Variants in DIP2C observed in about 807,000 individuals in gnomAD.
DIP2C encodes disco-interacting protein 2 homolog C.
In DIP2C, 33 loss-of-function variants were observed where a neutral mutation model predicts 192.4. The observed-to-expected ratio is 0.17, with a 90% CI of 0.13 to 0.23. The LOEUF (loss-of-function observed/expected upper bound fraction) is 0.23. DIP2C is among the 10% of genes least tolerant of loss of function. DIP2C has a pLI of 1.00. For missense variants in DIP2C, 1,537 were observed against 2,110.1 expected (o/e 0.73, Z 5.32); for synonymous variants, 979 against 864.1 (o/e 1.13, Z -2.33).
At chr10:502,413 T>C (rs1185621615) in intron 1 of DIP2C, among the ~76,000 whole-genome samples, 1 of 152,194 alleles carries the variant, frequency 6.6e-6, no homozygotes, top group Non-Finnish European at 1.5e-5. Flanking sequence ...AAAATAATGA[T>C]GGGAAGTAAG....
chr10:533,187 G>T (rs995319502), intron 1 of DIP2C, among the ~76,000 whole-genome samples: 1 of 152,130 alleles, frequency 6.6e-6, no homozygotes, highest in South Asian at 2.1e-4. Context: ...CGAAGCCTAA[G>T]GTCAAATGCA....
Position 417,817 on chromosome 10 carries a change from AGGGCGCG to A in DIP2C, c.739+1241_739+1247del, listed in dbSNP as rs1564685601. On this transcript the variant is annotated intron_variant, in intron 6 of 36. Coordinates refer to ENST00000280886, the MANE Select transcript of DIP2C (RefSeq NM_014974.3). Reference sequence around the variant, plus strand: ...GCCTCCCTGTCCACCTGTTCCTGTCAGGGCGCGGACAGGCCTCCCTGTCCACCTGCAC... The same window carrying A: ...GCCTCCCTGTCCACCTGTTCCTGTCAGACAGGCCTCCCTGTCCACCTGCAC... Among the ~76,000 whole-genome samples, 22 of 82,590 alleles carry A rather than the reference AGGGCGCG, an allele frequency of 2.7e-4. 2 individuals carry two copies. The highest frequency in any genetic ancestry group is 1.4e-4 in the African/African-American group (2 of 14,518). 54.2% of individuals were successfully genotyped at this position (82,590 alleles called of 152,430 possible).
chr10:617,891 C>G (rs1853583075), intron 1 of DIP2C, among the ~76,000 whole-genome samples: 2 of 151,706 alleles, frequency 1.3e-5, no homozygotes, highest in South Asian at 4.2e-4. Flanking sequence ...TTCCTTATTG[C>G]ACTAATACCT....
chr10:290,088 G>A (rs1440808103), intron 32 of DIP2C, among the ~76,000 whole-genome samples: 1 of 152,250 alleles, frequency 6.6e-6, no homozygotes, highest in African/African-American at 2.4e-5. Flanking sequence ...GGAGAACAGA[G>A]AGGAGACGCT....
chr10:486,354 T>A, intron 2 of DIP2C, 105 bp downstream of exon 2: 3 of 1,119,276 alleles, frequency 2.7e-6, no homozygotes, highest in Non-Finnish European at 3.8e-6. Flanking sequence ...AGACGCCTCC[T>A]CCTGCCGACT....
At chr10:635,146 G>A (rs1324064716) in intron 1 of DIP2C, among the ~76,000 whole-genome samples, 1 of 152,194 alleles carries the variant, frequency 6.6e-6, no homozygotes, top group East Asian at 1.9e-4. Context: ...GAGGAGAGAG[G>A]CGGACAGTCA....
intron 1 of DIP2C, among the ~76,000 whole-genome samples, chr10:575,911 C>T (rs1004794489): frequency 7.5e-4 from 115 of 152,362 alleles, no homozygotes; most frequent in African/African-American, 2.5e-3. Flanking sequence ...ATGGTAACAG[C>T]TGAGCTCGCA....
At chr10:575,293 T>C (rs1296798972) in intron 1 of DIP2C, among the ~76,000 whole-genome samples, 1 of 152,230 alleles carries the variant, frequency 6.6e-6, no homozygotes, top group African/African-American at 2.4e-5. Flanking sequence ...TCTTTGTGAT[T>C]GCTTTTATAA....
chr10:688,701 T>G (rs1029606755), intron 1 of DIP2C, among the ~76,000 whole-genome samples: 1 of 152,176 alleles, frequency 6.6e-6, no homozygotes, highest in African/African-American at 2.4e-5. Flanking sequence ...CTGAAACTTA[T>G]GACAGTTGAG....
At chr10:317,622 T>C (rs1011476745) in intron 31 of DIP2C, among the ~76,000 whole-genome samples, 1 of 152,216 alleles carries the variant, frequency 6.6e-6, no homozygotes, top group Non-Finnish European at 1.5e-5. Flanking sequence ...GTGACTGCGA[T>C]AGAGAATCCC....
intron 1 of DIP2C, among the ~76,000 whole-genome samples, chr10:497,068 G>A (rs12263559): frequency 0.16 from 24,854 of 152,154 alleles, 3,973 homozygotes; most frequent in African/African-American, 0.42. Context: ...AGCTTGCAGT[G>A]AGCTGAGATC....
chr10:357,642 C>T (rs1398746173), intron 23 of DIP2C, among the ~76,000 whole-genome samples, 186 bp downstream of exon 23: 1 of 152,180 alleles, frequency 6.6e-6, no homozygotes, highest in Non-Finnish European at 1.5e-5. Flanking sequence ...CCACCACCAG[C>T]GCGCGACATC....
chr10:662,996 C>A, intron 1 of DIP2C: 1 of 712,456 alleles, frequency 1.4e-6, no homozygotes, highest in Non-Finnish European at 2.6e-6. Context: ...CTGAACGTCA[C>A]ACAAAAGGGT....
intron 32 of DIP2C, among the ~76,000 whole-genome samples, chr10:292,604 C>T (rs1231995572): frequency 6.6e-6 from 1 of 152,216 alleles, no homozygotes; most frequent in Non-Finnish European, 1.5e-5. Flanking sequence ...CCTGATGGCG[C>T]CGTGCAACCG....
intron 9 of DIP2C, among the ~76,000 whole-genome samples, chr10:405,332 GC>G (rs1964725535): frequency 6.6e-6 from 1 of 152,192 alleles, no homozygotes; most frequent in African/African-American, 2.4e-5. Flanking sequence ...TAGAGTTAAT[GC>G]TGAAAATTTC....
intron 1 of DIP2C, among the ~76,000 whole-genome samples, chr10:504,202 T>C (rs1263947061): frequency 6.6e-6 from 1 of 152,180 alleles, no homozygotes; most frequent in Non-Finnish European, 1.5e-5. Flanking sequence ...CCACAGCGTA[T>C]CAATCACTGT....
chr10:293,491 T>G (rs181077594), intron 32 of DIP2C, among the ~76,000 whole-genome samples: 1 of 152,308 alleles, frequency 6.6e-6, no homozygotes, highest in East Asian at 1.9e-4. Context: ...ATACCCAATA[T>G]AATAAGACCA....
chr10:640,897 G>T (rs1054583587), intron 1 of DIP2C, among the ~76,000 whole-genome samples: 1 of 152,022 alleles, frequency 6.6e-6, no homozygotes, highest in African/African-American at 2.4e-5. Flanking sequence ...CCACCCAGAG[G>T]GGCTGCATGA....
intron 3 of DIP2C, among the ~76,000 whole-genome samples, chr10:455,529 CA>C (rs1969231417): frequency 4.5e-5 from 3 of 66,536 alleles, no homozygotes; most frequent in Non-Finnish European, 1.3e-4. Flanking sequence ...AAACACTCTG[CA>C]GTGAGTCCCT....
Sources: gnomAD v4.1 joint callset for allele counts (sites outside exome capture counted in the v4.1 genomes callset) on GRCh38, gnomAD v4.1.1 for gene constraint, MANE v1.5 for transcripts, NCBI Gene and HGNC (gene_info 2026-07-23, HGNC 2026-07-21) for gene names.